Variants in RASGRF2 observed in about 807,000 individuals in gnomAD.
RASGRF2 encodes Ras protein specific guanine nucleotide releasing factor 2.
Under a neutral mutation model 151.0 loss-of-function variants are expected in RASGRF2, and 76 were observed. The observed-to-expected ratio is 0.50, with a 90% CI of 0.42 to 0.61. RASGRF2 has a LOEUF of 0.61. Ranked by LOEUF, RASGRF2 falls within the 20% of genes least tolerant of loss-of-function variation. RASGRF2 has a pLI of 0.00. For missense variants in RASGRF2, 1,148 were observed against 1,564.6 expected, an observed-to-expected ratio of 0.73 and a Z score of 4.49; for synonymous variants, 504 against 566.5, an observed-to-expected ratio of 0.89 and a Z score of 1.57.
At chr5:81,160,103 C>T (rs1415033951) in intron 17 of RASGRF2, among the ~76,000 whole-genome samples, 1 of 152,102 alleles carries the variant, frequency 6.6e-6, no homozygotes, top group Non-Finnish European at 1.5e-5. Context: ...GCCTGGTCAA[C>T]ATAGCAGGAC....
intron 2 of RASGRF2, among the ~76,000 whole-genome samples, chr5:81,056,322 G>A (rs1406395828): frequency 3.9e-5 from 6 of 152,120 alleles, no homozygotes; most frequent in African/African-American, 1.2e-4. Context: ...ATTCTTGTAT[G>A]TTGTGTCTTT....
intron 1 of RASGRF2, among the ~76,000 whole-genome samples, chr5:81,041,301 CA>C (rs34567203): frequency 0.51 from 57,478 of 112,602 alleles, 12,001 homozygotes; most frequent in Middle Eastern, 0.68. Flanking sequence ...GACTCCGTCT[CA>C]AAAAAAAAAA....
At chr5:81,003,061 T>C (rs988712518) in intron 1 of RASGRF2, among the ~76,000 whole-genome samples, 1 of 146,348 alleles carries the variant, frequency 6.8e-6, no homozygotes, top group African/African-American at 2.5e-5. Context: ...AAAGAGACTA[T>C]TTTTTTTGAG....
chr5:81,185,503 C>G (rs1049376486), intron 18 of RASGRF2, among the ~76,000 whole-genome samples: 4 of 152,124 alleles, frequency 2.6e-5, no homozygotes, highest in African/African-American at 7.2e-5. Flanking sequence ...TTGAAAATGA[C>G]TCACAGGAGG....
At chr5:81,210,040 C>T (rs1466035464) in intron 22 of RASGRF2, 1 of 152,666 alleles carries the variant, frequency 6.6e-6, no homozygotes, top group Non-Finnish European at 1.5e-5. Context: ...GCTGCCACCA[C>T]CTTGATGTGG....
intron 5 of RASGRF2, among the ~76,000 whole-genome samples, chr5:81,075,356 C>T (rs1223666693): frequency 2.0e-5 from 3 of 152,166 alleles, no homozygotes; most frequent in Non-Finnish European, 2.9e-5. Flanking sequence ...AGAGAAGGGG[C>T]TGTCTGCAGA....
At chr5:81,187,755 C>T (rs716897) in intron 18 of RASGRF2, among the ~76,000 whole-genome samples, 92,512 of 152,066 alleles carry the variant, frequency 0.61, 29,075 homozygotes, top group African/African-American at 0.71. Context: ...ACTTAGTGTG[C>T]TCAAGGTCTC....
intron 17 of RASGRF2, among the ~76,000 whole-genome samples, chr5:81,163,690 CT>C (rs1754440137): frequency 6.6e-6 from 1 of 152,040 alleles, no homozygotes; most frequent in South Asian, 2.1e-4. Context: ...ATAAGTGGTC[CT>C]TTATTTTTCT....
chr5:81,180,150 CGT>C (rs752143638), intron 17 of RASGRF2, 23 bp from the exon 18 acceptor site: 2 of 1,403,436 alleles, frequency 1.4e-6, no homozygotes, highest in Admixed American at 1.7e-5. Context: ...AACTGCAACA[CGT>C]GTGTGTTTCT....
chr5:81,191,216 C>T (rs1195765034), intron 18 of RASGRF2, among the ~76,000 whole-genome samples: 1 of 152,032 alleles, frequency 6.6e-6, no homozygotes, highest in African/African-American at 2.4e-5. Flanking sequence ...TCTCAAGGCC[C>T]CACGGCTCTG....
chr5:81,103,945 G>T (rs1370154613), intron 12 of RASGRF2, among the ~76,000 whole-genome samples: 1 of 151,204 alleles, frequency 6.6e-6, no homozygotes, highest in Non-Finnish European at 1.5e-5. Context: ...GCAGTGTTGT[G>T]TGAGAAAAAT....
At chr5:81,191,646 C>T (rs1012148700) in intron 18 of RASGRF2, among the ~76,000 whole-genome samples, 4 of 150,712 alleles carry the variant, frequency 2.7e-5, no homozygotes, top group African/African-American at 9.8e-5. Context: ...AATTTACCAC[C>T]TACCTAATGG....
chr5:80,970,933 A>T (rs983144552), intron 1 of RASGRF2, among the ~76,000 whole-genome samples: 1 of 152,174 alleles, frequency 6.6e-6, no homozygotes, highest in Admixed American at 6.5e-5. Flanking sequence ...TATCAACAAG[A>T]TCTTACAATA....
chr5:81,186,325 G>A (rs1478132651), intron 18 of RASGRF2, among the ~76,000 whole-genome samples: 1 of 152,052 alleles, frequency 6.6e-6, no homozygotes, highest in Non-Finnish European at 1.5e-5. Flanking sequence ...ACCTGAGAGG[G>A]GCCTCCAAGT....
intron 1 of RASGRF2, among the ~76,000 whole-genome samples, chr5:81,042,522 C>A (rs1414132817): frequency 6.6e-6 from 1 of 152,242 alleles, no homozygotes; most frequent in Non-Finnish European, 1.5e-5. Context: ...TGCGTTCCTG[C>A]AGCTTTATCA....
intron 2 of RASGRF2, among the ~76,000 whole-genome samples, chr5:81,059,144 G>A (rs1161611512): frequency 6.6e-6 from 1 of 152,048 alleles, no homozygotes; most frequent in Admixed American, 6.6e-5. Context: ...AGCACTTTGG[G>A]AGGCTGAAGC....
At chr5:81,075,409 C>T (rs923885401) in intron 5 of RASGRF2, among the ~76,000 whole-genome samples, 1 of 152,102 alleles carries the variant, frequency 6.6e-6, no homozygotes, top group African/African-American at 2.4e-5. Flanking sequence ...CGTGCAAGAG[C>T]GGGCTAGGTG....
intron 13 of RASGRF2, among the ~76,000 whole-genome samples, chr5:81,110,788 G>A (rs953842781): frequency 1.3e-5 from 2 of 152,142 alleles, no homozygotes; most frequent in African/African-American, 4.8e-5. Flanking sequence ...ATCTTTTTAC[G>A]AATGAGCAAA....
At chr5:80,984,047 C>T (rs1446570426) in intron 1 of RASGRF2, among the ~76,000 whole-genome samples, 2 of 152,048 alleles carry the variant, frequency 1.3e-5, no homozygotes, top group African/African-American at 2.4e-5. Context: ...AAACTGAGCT[C>T]GTTTTTCCTT....
Sources: allele counts gnomAD v4.1 joint callset (sites outside exome capture counted in the v4.1 genomes callset), GRCh38; gene constraint gnomAD v4.1.1; transcripts MANE v1.5; gene names NCBI Gene and HGNC (gene_info 2026-07-23, HGNC 2026-07-21).